Variants in RHBDL2 observed in about 807,000 individuals in gnomAD.
RHBDL2 encodes rhomboid-related protein 2.
Under a neutral mutation model 31.7 loss-of-function variants are expected in RHBDL2, and 26 were observed. The observed-to-expected ratio is 0.82, with a 90% CI of 0.60 to 1.14. The LOEUF is 1.14. Ranked by LOEUF, RHBDL2 falls within the 50% of genes most tolerant of loss-of-function variation. RHBDL2 has a pLI of 0.00. For synonymous variants in RHBDL2, 123 were observed against 127.2 expected (o/e 0.97, Z 0.22); for missense variants, 336 against 364.4 (o/e 0.92, Z 0.63).
chr1:38,895,900 G>T (rs574407448), intron 5 of RHBDL2, 69 bp downstream of exon 5: 2 of 1,005,066 alleles, frequency 2.0e-6, no homozygotes, highest in Non-Finnish European at 3.0e-6. Context: ...AAGGTTCGTT[G>T]AAACAAAGAA....
intron 4 of RHBDL2, among the ~76,000 whole-genome samples, chr1:38,901,843 A>G (rs1047410734): frequency 1.5e-5 from 2 of 137,408 alleles, no homozygotes; most frequent in Admixed American, 1.4e-4. Context: ...AAAAAAATAA[A>G]ATAAATAAAT....
chr1:38,932,366 G>A (rs1368764693), intron 1 of RHBDL2, among the ~76,000 whole-genome samples: 1 of 152,190 alleles, frequency 6.6e-6, no homozygotes, highest in Non-Finnish European at 1.5e-5. Flanking sequence ...AATGACCCTA[G>A]CTGATGACTA....
intron 3 of RHBDL2, among the ~76,000 whole-genome samples, chr1:38,913,363 G>A (rs1474416902): frequency 6.6e-6 from 1 of 151,994 alleles, no homozygotes; most frequent in Non-Finnish European, 1.5e-5. Context: ...CTTGTGTGCG[G>A]GAGCCATGTT....
chr1:38,899,361 G>A (rs747531276), intron 4 of RHBDL2, among the ~76,000 whole-genome samples: 6 of 152,172 alleles, frequency 3.9e-5, no homozygotes, highest in East Asian at 1.9e-4. Context: ...CCCTGCCCTC[G>A]TGGCCACCTT....
chr1:38,894,707 C>CTTTTTTTTTTTTTTTTTTTTTTTTTTTTT (rs71057159), intron 5 of RHBDL2, among the ~76,000 whole-genome samples: 1 of 114,192 alleles, frequency 8.8e-6, no homozygotes, highest in Non-Finnish European at 1.7e-5. Flanking sequence ...CTTTTTTTTT[C>CTTTTTTTTTTTTTTTTTTTTTTTTTTTTT]TTTTTTTTTT....
chr1:38,934,262 C>T (rs1352820610), intron 1 of RHBDL2, among the ~76,000 whole-genome samples: 2 of 151,712 alleles, frequency 1.3e-5, no homozygotes, highest in East Asian at 1.9e-4. Context: ...GCAAGAGAAT[C>T]GCTTGAACTT....
At chr1:38,908,535 A>C (rs1357288188) in intron 4 of RHBDL2, among the ~76,000 whole-genome samples, 1 of 151,578 alleles carries the variant, frequency 6.6e-6, no homozygotes, top group Non-Finnish European at 1.5e-5. Flanking sequence ...AAAAAAAAAA[A>C]AACCATGATC....
intron 1 of RHBDL2, among the ~76,000 whole-genome samples, chr1:38,925,589 T>C (rs1643366740): frequency 6.6e-6 from 1 of 152,152 alleles, no homozygotes; most frequent in South Asian, 2.1e-4. Context: ...AACTTTTCCT[T>C]GTATCTCAGT....
chr1:38,941,113 G>A (rs192888586), intron 1 of RHBDL2, among the ~76,000 whole-genome samples: 12 of 152,318 alleles, frequency 7.9e-5, no homozygotes, highest in African/African-American at 2.6e-4. Flanking sequence ...GAGAATCCAG[G>A]TATATGCTCA....
chr1:38,935,301 G>A (rs902484102), intron 1 of RHBDL2, among the ~76,000 whole-genome samples: 1 of 152,164 alleles, frequency 6.6e-6, no homozygotes. Context: ...CATGACAACT[G>A]GCTCATGTCT....
chr1:38,911,408 C>G lies in RHBDL2; in HGVS notation c.422G>C (p.Cys141Ser). 6.2e-7 allele frequency: 1 copy of G among 1,613,866 alleles called. No homozygotes were observed. The highest frequency in any genetic ancestry group is 8.5e-7 in the Non-Finnish European group (1 of 1,179,868). ...GGGAATACCCAAAACAAGCTGCATA[C>G]AAAGATTCCCCAAGATGTGCTGAAC... ...AGVQHILGNL[C>S]MQLVLGIPLE... is the part of the protein sequence containing the mutation. The change falls in exon 4 of 8, where the codon TGT (cysteine) becomes TCT (serine). Residue 141 changes from cysteine (C) to serine (S), a missense_variant. By Grantham distance (112) the Cys-to-Ser change is moderately radical. Transcript: ENST00000372990.
intron 4 of RHBDL2, among the ~76,000 whole-genome samples, chr1:38,896,453 G>A (rs74735073): frequency 0.028 from 4,241 of 152,250 alleles, 83 homozygotes; most frequent in Non-Finnish European, 0.043. Context: ...TGTGTTTTGT[G>A]CTTAGAATAC....
intron 6 of RHBDL2, among the ~76,000 whole-genome samples, chr1:38,891,001 G>T (rs116264328): frequency 0.02 from 3,077 of 152,162 alleles, 100 homozygotes; most frequent in African/African-American, 0.07. Flanking sequence ...GGGCTCAGTG[G>T]CTCACGGCTG....
At chr1:38,929,290 C>A (rs1386688594) in intron 1 of RHBDL2, 5 of 724,982 alleles carry the variant, frequency 6.9e-6, no homozygotes, top group Non-Finnish European at 1.0e-5. Flanking sequence ...GCTGGGAATT[C>A]CCACCATCCC....
chr1:38,934,486 C>A (rs148766651), intron 1 of RHBDL2, among the ~76,000 whole-genome samples: 2,248 of 151,492 alleles, frequency 0.015, 32 homozygotes, highest in Middle Eastern at 0.068. Flanking sequence ...GAAACCCCGT[C>A]TCTACTAAAA....
At chr1:38,911,657 CGCGT>C (rs1557615203) in intron 3 of RHBDL2, among the ~76,000 whole-genome samples, 3 of 147,530 alleles carry the variant, frequency 2.0e-5, no homozygotes, top group South Asian at 2.1e-4. Flanking sequence ...CGCGCGCGCG[CGCGT>C]GTGTGACTTG....
At chr1:38,894,707 C>CTTTTTTTTTTTTTTTTTT (rs71057159) in intron 5 of RHBDL2, among the ~76,000 whole-genome samples, 9 of 114,186 alleles carry the variant, frequency 7.9e-5, no homozygotes, top group African/African-American at 1.1e-4. Flanking sequence ...CTTTTTTTTT[C>CTTTTTTTTTTTTTTTTTT]TTTTTTTTTT....
intron 1 of RHBDL2, among the ~76,000 whole-genome samples, chr1:38,933,589 T>C (rs1341506399): frequency 3.3e-5 from 5 of 152,070 alleles, no homozygotes; most frequent in Non-Finnish European, 1.5e-5. Context: ...AGTCAGAAAA[T>C]CCTGGTCCTT....
In RHBDL2 at chr1:38,911,635, T is replaced by C. The variant is rs868451702; in HGVS notation, c.396-201A>G. Reference sequence around the variant, plus strand: ...GTGTGTGTGTGTGTGTGTGTGTGTGTGTGTGTGTGTGCGCGCGCGCGCGCG... The same window carrying C: ...GTGTGTGTGTGTGTGTGTGTGTGTGCGTGTGTGTGTGCGCGCGCGCGCGCG... On this transcript the variant is annotated intron_variant, in intron 3 of 7. Transcript: ENST00000372990. 1.9e-3 allele frequency among the ~76,000 whole-genome samples: 211 copies of C among 113,452 alleles called. 1 individual carries two copies. Among genetic ancestry groups the C allele is most frequent in the African/African-American group, 8.0e-3 (199 of 25,026 alleles). The allele number at this position is 113,452 out of a possible 152,430, so 74.4% of individuals were successfully genotyped here. A position where few individuals can be genotyped will look rare whatever the true frequency, so the allele number is the denominator to read the frequency against.
Sources: allele counts gnomAD v4.1 joint callset (sites outside exome capture counted in the v4.1 genomes callset), GRCh38; gene constraint gnomAD v4.1.1; transcripts MANE v1.5; gene names NCBI Gene and HGNC (gene_info 2026-07-23, HGNC 2026-07-21).